UNC45B: variants seen among roughly 807,000 people sequenced by gnomAD.
UNC45B encodes the protein unc-45 myosin chaperone B.
Under a neutral mutation model 98.7 loss-of-function variants are expected in UNC45B, and 78 were observed. That is an observed-to-expected ratio of 0.79 (90% CI 0.66 to 0.95). The LOEUF is 0.95. Among genes scored for constraint, UNC45B ranks in the 40% least tolerant of loss-of-function variants. UNC45B has a pLI of 0.00. For missense variants in UNC45B, 1,225 were observed against 1,184.9 expected (o/e 1.03, Z -0.50); for synonymous variants, 462 against 480.4 (o/e 0.96, Z 0.50).
intron 9 of UNC45B, 95 bp downstream of exon 9, chr17:35,164,261 G>A (rs1597916784): frequency 2.1e-6 from 3 of 1,416,774 alleles, no homozygotes; most frequent in African/African-American, 1.5e-5. Context: ...TCAAACAATA[G>A]TGTTTTATTA....
chr17:35,154,764 T>C (rs748776758), intron 6 of UNC45B, 23 bp downstream of exon 6: 3 of 1,554,346 alleles, frequency 1.9e-6, no homozygotes, highest in South Asian at 2.4e-5. Context: ...CTGTGGGGCA[T>C]GTGGAGCAGA....
intron 14 of UNC45B, among the ~76,000 whole-genome samples, chr17:35,174,722 A>T (rs2092215046): frequency 6.6e-6 from 1 of 152,106 alleles, no homozygotes; most frequent in South Asian, 2.1e-4. Flanking sequence ...TGGGAGGCTG[A>T]GGCAGGAGGA....
intron 9 of UNC45B, among the ~76,000 whole-genome samples, chr17:35,166,113 T>TAAAAAAAAAAAAAAAAAAAAAAAAAAAGA (rs1435189350): frequency 1.1e-5 from 1 of 88,940 alleles, no homozygotes; most frequent in African/African-American, 4.5e-5. Context: ...AAAAAAAAAT[T>TAAAAAAAAAAAAAAAAAAAAAAAAAAAGA]AAAAATGAGT....
chr17:35,175,002 GAAGA>G (rs1171742222), intron 14 of UNC45B, among the ~76,000 whole-genome samples: 1 of 142,796 alleles, frequency 7.0e-6, no homozygotes, highest in Non-Finnish European at 1.5e-5. Flanking sequence ...AGGAAGGAGG[GAAGA>G]AAGAAAGGAG....
At chr17:35,152,420 G>C (rs1387893242) in intron 4 of UNC45B, among the ~76,000 whole-genome samples, 2 of 152,070 alleles carry the variant, frequency 1.3e-5, no homozygotes, top group African/African-American at 4.8e-5. Context: ...GACTGTGAGG[G>C]ACTAGATATC....
At chr17:35,173,084 A>C (rs2092199412) in intron 13 of UNC45B, among the ~76,000 whole-genome samples, 1 of 151,388 alleles carries the variant, frequency 6.6e-6, no homozygotes, top group Admixed American at 6.6e-5. Flanking sequence ...TTTCTAGAAC[A>C]CATTGCCACA....
chr17:35,186,677 T>C lies in UNC45B; in HGVS notation c.*118T>C, dbSNP rs975774345. On this transcript the variant is annotated 3_prime_UTR_variant, in exon 20 of 20. Transcript: ENST00000394570. ...CATAGCAGTGACAATGAAGTCTCAA[T>C]ATAAAGGAAAGACTTGATTGTTCTC... 3 of 1,212,110 alleles carry C rather than the reference T, an allele frequency of 2.5e-6. No homozygotes were observed. In the African/African-American group the frequency reaches 4.5e-5, roughly 18 times the overall value. 75.1% of individuals were successfully genotyped at this position (1,212,110 alleles called of 1,614,324 possible). A position where few individuals can be genotyped will look rare whatever the true frequency, so the allele number is the denominator to read the frequency against.
At position 35,159,437 on chromosome 17, in the gene UNC45B, G is replaced by C; in HGVS notation, c.871G>C (p.Val291Leu). ...GCTGGACATGCTAGTCAGCAAGAAG[G>C]TGTCTGGCCAGGGCAGGGATCAGGC... is the stretch of plus-strand genomic sequence containing the variant. ...HLLDMLVSKKVSGQGRDQALN... is the reference protein window; with the variant it reads ...HLLDMLVSKKLSGQGRDQALN... The change falls in exon 8 of 20, where the codon GTG becomes CTG. Residue 291 changes from valine (V) to leucine (L), a missense_variant. By Grantham distance (32) the Val-to-Leu change is conservative (BLOSUM62 1). Transcript: ENST00000394570. 1 of 1,614,162 alleles carries C rather than the reference G, an allele frequency of 6.2e-7. No individual in the cohort carries two copies. Among genetic ancestry groups the C allele is most frequent in the South Asian group, 1.1e-5 (1 of 91,074 alleles).
At chr17:35,173,718 C>A (rs537482593) in intron 13 of UNC45B, among the ~76,000 whole-genome samples, 1 of 152,198 alleles carries the variant, frequency 6.6e-6, no homozygotes, top group East Asian at 1.9e-4. Context: ...TCTAGGCTTA[C>A]CCCCTCATCT....
At chr17:35,157,873 GT>G (rs1024096544) in intron 7 of UNC45B, among the ~76,000 whole-genome samples, 8 of 151,574 alleles carry the variant, frequency 5.3e-5, no homozygotes, top group Admixed American at 3.3e-4. Flanking sequence ...GTCTATAAGA[GT>G]TTTTTTTTGT....
Position 35,183,385 on chromosome 17 carries a change from T to C in UNC45B, c.2374-42T>C, listed in dbSNP as rs11657916. The C allele has an allele frequency of 0.013, 18,969 of 1,481,746 alleles. 144 individuals carry two copies. Among genetic ancestry groups the C allele is most frequent in the Non-Finnish European group, 0.013 (14,825 of 1,111,714 alleles). The allele number at this position is 1,481,746 out of a possible 1,614,324, so 91.8% of individuals were successfully genotyped here. A position where few individuals can be genotyped will look rare whatever the true frequency, so the allele number is the denominator to read the frequency against. ...TCTTTCCCTCTTCAGGCTGGGCAGA[T>C]TGGGGACAGTTTTCTCTGAGCCATG... On this transcript the variant is annotated intron_variant, in intron 18 of 19. Coordinates refer to ENST00000394570, the MANE Select transcript of UNC45B (RefSeq NM_001267052.2).
At chr17:35,162,548 C>G (rs1229881427) in intron 8 of UNC45B, among the ~76,000 whole-genome samples, 1 of 151,988 alleles carries the variant, frequency 6.6e-6, no homozygotes, top group African/African-American at 2.4e-5. Flanking sequence ...TCGGCCTAAC[C>G]AAAGTGCTGG....
intron 17 of UNC45B, among the ~76,000 whole-genome samples, chr17:35,177,849 T>TTTCTC (rs996646092): frequency 2.0e-5 from 3 of 151,632 alleles, no homozygotes; most frequent in African/African-American, 7.3e-5. Flanking sequence ...TGTCTTTTCT[T>TTTCTC]TTCTCTTCTC....
chr17:35,167,650 A>G (rs2092150571), intron 9 of UNC45B, among the ~76,000 whole-genome samples: 1 of 151,830 alleles, frequency 6.6e-6, no homozygotes, highest in African/African-American at 2.4e-5. Context: ...GACTCACTCT[A>G]ACTTGGAACA....
chr17:35,148,822 C>A, intron 2 of UNC45B, 151 bp from the exon 3 acceptor site: 5 of 893,610 alleles, frequency 5.6e-6, no homozygotes, highest in Non-Finnish European at 8.6e-6. Flanking sequence ...AGCCTGTCCT[C>A]TTTGCCATGC....
intron 14 of UNC45B, among the ~76,000 whole-genome samples, chr17:35,175,730 T>C (rs556880632): frequency 2.0e-5 from 3 of 152,290 alleles, no homozygotes; most frequent in South Asian, 4.1e-4. Context: ...TAAATAGTGA[T>C]AGTGGGGAGT....
chr17:35,183,626 G>T, intron 19 of UNC45B, 44 bp downstream of exon 19: 1 of 1,453,894 alleles, frequency 6.9e-7, no homozygotes. Flanking sequence ...GTGGCTCCAG[G>T]GAATCTCCCC....
intron 11 of UNC45B, 48 bp downstream of exon 11, chr17:35,169,979 C>T (rs372774450): frequency 3.5e-5 from 57 of 1,611,814 alleles, no homozygotes; most frequent in African/African-American, 1.9e-4. Flanking sequence ...ATGCGCCTTC[C>T]GGGCAAGAGT....
intron 7 of UNC45B, among the ~76,000 whole-genome samples, chr17:35,158,062 G>A (rs2092076129): frequency 6.6e-6 from 1 of 152,080 alleles, no homozygotes; most frequent in Non-Finnish European, 1.5e-5. Context: ...TTTTCATAGG[G>A]ACAGGGTCTC....
Sources: gnomAD v4.1 joint callset for allele counts (sites outside exome capture counted in the v4.1 genomes callset) on GRCh38, gnomAD v4.1.1 for gene constraint, MANE v1.5 for transcripts, NCBI Gene and HGNC (gene_info 2026-07-23, HGNC 2026-07-21) for gene names.